Variants in NUDT12 observed in about 807,000 individuals in gnomAD.
NUDT12 encodes NAD-capped RNA hydrolase NUDT12.
In NUDT12, 42 loss-of-function variants were observed where a neutral mutation model predicts 45.7. That is an observed-to-expected ratio of 0.92 (90% CI 0.72 to 1.19). The LOEUF (loss-of-function observed/expected upper bound fraction) is 1.19, where lower values mean the gene tolerates loss of function less well. Among genes scored for constraint, NUDT12 ranks in the 50% most tolerant of loss-of-function variants. The pLI is 0.00. For missense variants in NUDT12, 590 were observed against 533.1 expected, an observed-to-expected ratio of 1.11 and a Z score of -1.05; for synonymous variants, 206 against 179.7, an observed-to-expected ratio of 1.15 and a Z score of -1.17.
intron 5 of NUDT12, among the ~76,000 whole-genome samples, chr5:103,554,304 A>G (rs1328530842): frequency 6.6e-6 from 1 of 152,048 alleles, no homozygotes; most frequent in Non-Finnish European, 1.5e-5. Context: ...ACATACTTAC[A>G]TACGGTATTA....
chr5:103,554,200 G>A (rs1383234493), intron 5 of NUDT12, among the ~76,000 whole-genome samples: 1 of 151,838 alleles, frequency 6.6e-6, no homozygotes, highest in African/African-American at 2.4e-5. Flanking sequence ...GTGCTATGAG[G>A]GTTTCAGATA....
In NUDT12 at chr5:103,559,374, C is replaced by T. The variant is rs1748953228; in HGVS notation, c.301G>A (p.Ala101Thr). 6.2e-7 allele frequency: 1 copy of T among 1,613,006 alleles called. No homozygotes were observed. The highest frequency in any genetic ancestry group is 8.5e-7 in the Non-Finnish European group (1 of 1,179,402). Residue 101 changes from alanine to threonine, a missense_variant, in exon 3 of 7, where the codon GCT becomes ACT. Physicochemically the swap from Ala to Thr is moderately conservative, Grantham distance 58. Coordinates refer to ENST00000230792, the MANE Select transcript of NUDT12 (RefSeq NM_031438.4). ...AACCAAGGCTTCTTCCCACCTTTAG[C>T]AGTAGCTAGTAAATTAGCTATATGC... ...YKHIANLLAT[A>T]KGGKKPWFLT...
chr5:103,558,842 C>A, intron 3 of NUDT12, 37 bp downstream of exon 3: 2 of 1,437,572 alleles, frequency 1.4e-6, no homozygotes, highest in Non-Finnish European at 1.9e-6. Context: ...GTCTAAAAAC[C>A]AGATTTTACC....
chr5:103,553,691 TTGTA>T (rs1748726109), intron 5 of NUDT12, among the ~76,000 whole-genome samples: 1 of 152,090 alleles, frequency 6.6e-6, no homozygotes. Context: ...GCAGTGCTGT[TTGTA>T]ATAAGAACTT....
chr5:103,559,870 G>T (rs1422029469), intron 2 of NUDT12, 173 bp downstream of exon 2: 5 of 561,558 alleles, frequency 8.9e-6, no homozygotes, highest in East Asian at 2.9e-5. Flanking sequence ...CAATGAAAAA[G>T]GTTACAAAGT....
At chr5:103,557,506 C>T (rs1748864992) in intron 3 of NUDT12, among the ~76,000 whole-genome samples, 1 of 151,676 alleles carries the variant, frequency 6.6e-6, no homozygotes, top group African/African-American at 2.4e-5. Flanking sequence ...AATCTGGTTT[C>T]TGTTCGTTTC....
rs1025873766 is a variant in NUDT12, at chr5:103,549,491, T to G, written c.*1370A>C. The G allele has an allele frequency of 1.3e-5, 2 of 151,984 alleles. No homozygotes were observed. Among genetic ancestry groups the G allele is most frequent in the African/African-American group, 4.8e-5 (2 of 41,456 alleles). 9.4% of individuals were successfully genotyped at this position (151,984 alleles called of 1,614,324 possible). ...TCCTTCTTTTAATTTTGTCTATATA[T>G]ATTTTTAGTAATAGCTTCTAGTTCC... On this transcript the variant is annotated 3_prime_UTR_variant, in exon 7 of 7. Coordinates refer to ENST00000230792, the MANE Select transcript of NUDT12 (RefSeq NM_031438.4).
rs1279080339 is a variant in NUDT12, at chr5:103,555,192, A to C, written c.965-339T>G. The stretch of plus-strand genomic sequence containing the variant: ...AGTAGGTAATACATGGAAATAAGGA[A>C]AATTCAAATTTTACCACGGTAAATA... On this transcript the variant is annotated intron_variant, in intron 4 of 6. Transcript: ENST00000230792. Among the ~76,000 whole-genome samples, 3 of 152,082 alleles carry C rather than the reference A, an allele frequency of 2.0e-5. No homozygotes were observed. The East Asian group carries it at 5.8e-4, about 29-fold the overall frequency.
intron 5 of NUDT12, among the ~76,000 whole-genome samples, chr5:103,553,697 T>C (rs1377303214): frequency 6.6e-6 from 1 of 152,056 alleles, no homozygotes; most frequent in Non-Finnish European, 1.5e-5. Context: ...CTGTTTGTAA[T>C]AAGAACTTTA....
At chr5:103,557,654 T>A (rs898584449) in intron 3 of NUDT12, among the ~76,000 whole-genome samples, 3 of 152,024 alleles carry the variant, frequency 2.0e-5, no homozygotes, top group African/African-American at 7.2e-5. Context: ...TTCAATACAT[T>A]TGACCACTCC....
Position 103,559,115 on chromosome 5 carries a change from T to C in NUDT12, c.560A>G (p.Tyr187Cys), listed in dbSNP as rs763232301. The stretch of plus-strand genomic sequence containing the variant: ...GGTGATCTTCTCAGGCTGGGCCAAA[T>C]AATCCTTTATATCTGTGTAGTTCAG... ...CQLNYTDIKD[Y>C]LAQPEKITLI... The change falls in exon 3 of 7, where the codon TAT becomes TGT. Residue 187 changes from tyrosine (Y) to cysteine (C), a missense_variant. Transcript: ENST00000230792. 6.2e-7 allele frequency: 1 copy of C among 1,607,052 alleles called. No individual in the cohort carries two copies. Among genetic ancestry groups the C allele is most frequent in the Non-Finnish European group, 8.5e-7 (1 of 1,176,954 alleles).
At chr5:103,554,923 T>C in intron 4 of NUDT12, 70 bp from the exon 5 acceptor site, 1 of 590,176 alleles carries the variant, frequency 1.7e-6, no homozygotes, top group Non-Finnish European at 3.1e-6. Context: ...ACAAACACTG[T>C]CTGATAGGAT....
At chr5:103,559,795 A>G (rs781699054) in intron 2 of NUDT12, 1 of 520,144 alleles carries the variant, frequency 1.9e-6, no homozygotes, top group South Asian at 2.9e-5. Context: ...TGCATTTTCT[A>G]TTTGGGAGGA....
chr5:103,550,796 A>G lies in NUDT12; in HGVS notation c.*65T>C, dbSNP rs1043604563. 7.1e-6 allele frequency: 8 copies of G among 1,134,740 alleles called. No homozygotes were observed. The highest frequency in any genetic ancestry group is 9.3e-6 in the Non-Finnish European group (7 of 754,346). 70.3% of individuals were successfully genotyped at this position (1,134,740 alleles called of 1,614,324 possible). ...TCTCAAGAGTACTGAATAATCTCTA[A>G]TATCACTTGAGGAATGAGTGTTATT... is the stretch of plus-strand genomic sequence containing the variant. On this transcript the variant is annotated 3_prime_UTR_variant, in exon 7 of 7. Transcript: ENST00000230792.
chr5:103,555,945 G>A lies in NUDT12; in HGVS notation c.950C>T (p.Ser317Leu), dbSNP rs760545889. ...AAAGGGCTTACCAACTCTTGGGTAT[G>A]AGGTATTATGGACGCCATTGAGACT... ...CPSLNGVHNT[S>L]YPRVDPVVIM... The change falls in exon 4 of 7, where the codon TCA becomes TTA. Residue 317 changes from serine to leucine, a missense_variant. By Grantham distance (145) the Ser-to-Leu change is moderately radical. Coordinates refer to ENST00000230792, the MANE Select transcript of NUDT12 (RefSeq NM_031438.4). 6.3e-7 allele frequency: 1 copy of A among 1,584,038 alleles called. No individual in the cohort carries two copies. Among genetic ancestry groups the A allele is most frequent in the Non-Finnish European group, 8.6e-7 (1 of 1,165,248 alleles).
At chr5:103,557,280 G>GGTGTATATATATATATAT (rs1491335747) in intron 3 of NUDT12, among the ~76,000 whole-genome samples, 4 of 118,894 alleles carry the variant, frequency 3.4e-5, no homozygotes, top group Admixed American at 8.3e-5. Context: ...ATCTTAAAAT[G>GGTGTATATATATATATAT]ATATATATAT....
intron 3 of NUDT12, among the ~76,000 whole-genome samples, chr5:103,557,739 C>G (rs1337569101): frequency 6.6e-6 from 1 of 151,846 alleles, no homozygotes; most frequent in African/African-American, 2.4e-5. Flanking sequence ...CACACTGTTT[C>G]CAACTCCTTT....
rs368206115 is a variant in NUDT12, at chr5:103,559,352, C to G, written c.323G>C (p.Trp108Ser). Reference protein sequence around the residue: ...LATAKGGKKPWFLTNEVEECE... With the variant: ...LATAKGGKKPSFLTNEVEECE... Reference sequence around the variant, plus strand: ...TTCTTCCACTTCATTCGTTAGGAACCAAGGCTTCTTCCCACCTTTAGCAGT... The same window carrying G: ...TTCTTCCACTTCATTCGTTAGGAACGAAGGCTTCTTCCCACCTTTAGCAGT... The change falls in exon 3 of 7, where the codon TGG (tryptophan) becomes TCG (serine). Residue 108 changes from tryptophan to serine, a missense_variant. Transcript: ENST00000230792. The G allele has an allele frequency of 6.2e-7, 1 of 1,613,544 alleles. No homozygotes were observed. The highest frequency in any genetic ancestry group is 2.2e-5 in the East Asian group (1 of 44,850).
At chr5:103,558,570 C>T (rs1289272727) in intron 3 of NUDT12, among the ~76,000 whole-genome samples, 1 of 152,030 alleles carries the variant, frequency 6.6e-6, no homozygotes, top group African/African-American at 2.4e-5. Flanking sequence ...GAATACAAAA[C>T]AAAACAGTCA....
Sources: allele counts gnomAD v4.1 joint callset (sites outside exome capture counted in the v4.1 genomes callset), GRCh38; gene constraint gnomAD v4.1.1; transcripts MANE v1.5; gene names NCBI Gene and HGNC (gene_info 2026-07-23, HGNC 2026-07-21).